The following MXRA8 variants were observed in gnomAD, a reference collection of about 807,000 sequenced individuals.
The protein encoded by MXRA8 is matrix remodeling-associated protein 8.
Under a neutral mutation model 51.4 loss-of-function variants are expected in MXRA8, and 44 were observed. The ratio of observed to expected loss-of-function variants is 0.86; its 90% CI spans 0.67 to 1.10. MXRA8 has a LOEUF of 1.10. MXRA8 is among the 50% of genes least tolerant of loss of function. MXRA8 has a pLI of 0.00. For missense variants in MXRA8, 765 were observed against 638.9 expected (o/e 1.20, Z -2.13); for synonymous variants, 369 against 293.5 (o/e 1.26, Z -2.63).
Position 1,354,764 on chromosome 1 carries a change from C to T in MXRA8, c.867G>A (p.Leu289=). Residue 289 remains leucine (L), a synonymous_variant, in exon 5 of 10, where the codon CTG becomes CTA. Coordinates refer to ENST00000309212, the MANE Select transcript of MXRA8 (RefSeq NM_032348.4). The stretch of plus-strand genomic sequence containing the variant: ...GCTCCGCGTGGGGTTCGGCGACCGT[C>T]AGGTGGAAGACGCGGCGTTCGTGCA... ...CGLHERRVFH[L]TVAEPHAEPP... 6.2e-7 allele frequency: 1 copy of T among 1,611,654 alleles called. No individual in the cohort carries two copies. Among genetic ancestry groups the T allele is most frequent in the Non-Finnish European group, 8.5e-7 (1 of 1,179,484 alleles).
chr1:1,356,606 C>CCGGGGG (rs1462657903), intron 2 of MXRA8, 75 bp downstream of exon 2: 2 of 995,786 alleles, frequency 2.0e-6, no homozygotes, highest in Non-Finnish European at 2.5e-6. Context: ...CTGAGGACCC[C>CCGGGGG]CGGGGGCTGG....
At chr1:1,361,529 G>T, upstream of MXRA8, 1 of 538,282 alleles carries the variant, frequency 1.9e-6, no homozygotes, top group Non-Finnish European at 3.4e-6. Context: ...TGAGGACGCG[G>T]CTTCCAGGCG....
upstream of MXRA8, among the ~76,000 whole-genome samples, chr1:1,363,522 C>T (rs1024047763): frequency 6.6e-6 from 1 of 151,842 alleles, no homozygotes; most frequent in Non-Finnish European, 1.5e-5. Context: ...GCAACCTCTG[C>T]CTTCCAGTTT....
rs1219240403 is a variant in MXRA8 at position 1,353,514 on chromosome 1, G to C, written c.*90C>G. 4.0e-6 allele frequency: 6 copies of C among 1,514,194 alleles called. No homozygotes were observed. In the East Asian group the frequency reaches 7.4e-5, roughly 19 times the overall value. The allele number at this position is 1,514,194 out of a possible 1,614,324, so 93.8% of individuals were successfully genotyped here. A position where few individuals can be genotyped will look rare whatever the true frequency, so the allele number is the denominator to read the frequency against. On this transcript the variant is annotated 3_prime_UTR_variant, in exon 10 of 10. Transcript: ENST00000309212. ...GGAAAGCGGGACCAGCCGCTGGAAG[G>C]GGGGTGAGCCCCGGAGCATCAGGAG...
chr1:1,354,828 C>T lies in MXRA8; in HGVS notation c.803G>A (p.Gly268Asp), dbSNP rs1251738333. 3 of 1,612,212 alleles carry T rather than the reference C, an allele frequency of 1.9e-6. No individual in the cohort carries two copies. The highest frequency in any genetic ancestry group is 1.1e-5 in the South Asian group (1 of 91,062). ...RIEPLEVADE[G>D]TYSCHLHHHY... ...GTGGTGCAGGTGGCAGGAGTAGGTG[C>T]CCTCGTCGGCGACCTCCAGCGGCTC... The change falls in exon 5 of 10, where the codon GGC (glycine) becomes GAC (aspartate). Residue 268 changes from glycine (G) to aspartate (D), a missense_variant. Physicochemically the swap from Gly to Asp is moderately conservative, Grantham distance 94. Transcript: ENST00000309212.
chr1:1,358,472 T>A lies in MXRA8; in HGVS notation c.33A>T (p.Lys11Asn). The A allele has an allele frequency of 6.2e-7, 1 of 1,611,590 alleles. No homozygotes were observed. The highest frequency in any genetic ancestry group is 8.5e-7 in the Non-Finnish European group (1 of 1,179,078). Residue 11 changes from lysine (K) to asparagine (N), a missense_variant, in exon 1 of 10, where the codon AAA (lysine) becomes AAT (asparagine). Transcript: ENST00000309212. MALPSRILLW[K>N]LVLLQSSAVL... ...CACACTCACTCTGCAGAAGCACAAG[T>A]TTCCAAAGCAGGATTCGGGATGGCA... is the stretch of plus-strand genomic sequence containing the variant.
rs1289958145 is a variant in MXRA8, at chr1:1,358,439, C to T, written c.49+17G>A. ...CACGTGCCACCCCCCACCCGCCTCC[C>T]AGGGCCCCACACTCACTCTGCAGAA... On this transcript the variant is annotated intron_variant, in intron 1 of 9. Transcript: ENST00000309212. 3.1e-6 allele frequency: 5 copies of T among 1,607,314 alleles called. No individual in the cohort carries two copies. Among genetic ancestry groups the T allele is most frequent in the South Asian group, 2.2e-5 (2 of 90,364 alleles).
At chr1:1,356,647 G>GTGGGGGTGGGCAGC (rs1644139161) in intron 2 of MXRA8, 34 bp downstream of exon 2, 1 of 1,322,018 alleles carries the variant, frequency 7.6e-7, no homozygotes, top group South Asian at 2.1e-5. Flanking sequence ...CTGAGGGGGA[G>GTGGGGGTGGGCAGC]TGGGGGTGGG....
chr1:1,354,328 C>T (rs768008061), intron 6 of MXRA8, 26 bp downstream of exon 6: 26 of 1,603,052 alleles, frequency 1.6e-5, no homozygotes, highest in South Asian at 6.7e-5. Flanking sequence ...CTCCTGGGGC[C>T]GCTGGCTTTG....
At chr1:1,361,264 C>T (rs777686406), upstream of MXRA8, 54 of 703,404 alleles carry the variant, frequency 7.7e-5, no homozygotes, top group Non-Finnish European at 1.1e-4. Context: ...AGCGGATCAT[C>T]GATGGCTGAA....
chr1:1,355,287 G>A lies in MXRA8; in HGVS notation c.435C>T (p.His145=), dbSNP rs151108412. Residue 145 remains histidine, a synonymous_variant, in exon 4 of 10, where the codon CAC becomes CAT. Transcript: ENST00000309212. Reference sequence around the variant, plus strand: ...GGCGGACGGCCAGGCTCTCGTAGAGGTGGCAGTAGTGATGGTGCAGGTTGC... The same window carrying A: ...GGCGGACGGCCAGGCTCTCGTAGAGATGGCAGTAGTGATGGTGCAGGTTGC... ...YTCNLHHHYC[H]LYESLAVRLE... 2.0e-5 allele frequency: 31 copies of A among 1,577,948 alleles called. No individual in the cohort carries two copies. Among genetic ancestry groups the A allele is most frequent in the Non-Finnish European group, 2.5e-5 (29 of 1,165,852 alleles).
rs781111562 is a variant in MXRA8 at position 1,358,511 on chromosome 1, C to T, written c.-7G>A. 1.6e-5 allele frequency: 25 copies of T among 1,612,748 alleles called. No homozygotes were observed. The highest frequency in any genetic ancestry group is 2.0e-5 in the Non-Finnish European group (23 of 1,179,458). ...TTCGGGATGGCAGCGCCATGGCCCCCGCCCAGCCCCAGGCTTTGTCCCACT... is the reference window on the plus strand; with the variant it reads ...TTCGGGATGGCAGCGCCATGGCCCCTGCCCAGCCCCAGGCTTTGTCCCACT... On this transcript the variant is annotated 5_prime_UTR_variant, in exon 1 of 10. Coordinates refer to ENST00000309212, the MANE Select transcript of MXRA8 (RefSeq NM_032348.4).
chr1:1,354,167 A>C lies in MXRA8; in HGVS notation c.1145+26T>G, dbSNP rs752226312. The C allele has an allele frequency of 8.7e-6, 14 of 1,612,600 alleles. No individual in the cohort carries two copies. The African/African-American group carries it at 1.6e-4, about 18-fold the overall frequency. ...TGGGGTGAAGGGGGCCCTGGTCCCC[A>C]GGAGGGCCGGGAGGGGGGCACTCAC... On this transcript the variant is annotated intron_variant, in intron 7 of 9. Transcript: ENST00000309212.
Position 1,354,228 on chromosome 1 carries a change from G to C in MXRA8, c.1110C>G (p.Tyr370Ter). Reference sequence around the variant, plus strand: ...TTCCCGACTTCTGGTCCGAGTATTCGTAGCCTGGGAAGGAGACTCACATTG... The same window carrying C: ...TTCCCGACTTCTGGTCCGAGTATTCCTAGCCTGGGAAGGAGACTCACATTG... Reference protein sequence around the residue: ...LLAARRRRGGYEYSDQKSGKS... With the variant: ...LLAARRRRGG Residue 370 changes from tyrosine to a stop codon, truncating the protein, a stop_gained, in exon 7 of 10, where the codon TAC becomes TAG. Coordinates refer to ENST00000309212, the MANE Select transcript of MXRA8 (RefSeq NM_032348.4). LOFTEE classifies it high-confidence loss of function. 2.5e-6 allele frequency: 4 copies of C among 1,612,376 alleles called. No individual in the cohort carries two copies. The highest frequency in any genetic ancestry group is 3.4e-6 in the Non-Finnish European group (4 of 1,179,890).
At chr1:1,361,609 A>G (rs1644223842), upstream of MXRA8, 1 of 420,388 alleles carries the variant, frequency 2.4e-6, no homozygotes, top group Non-Finnish European at 4.5e-6. Flanking sequence ...TAGGGGGGCC[A>G]CTGCTGACAC....
At chr1:1,354,641 T>A (rs1010270707) in intron 5 of MXRA8, 41 bp downstream of exon 5, 34 of 1,537,178 alleles carry the variant, frequency 2.2e-5, no homozygotes, top group Middle Eastern at 2.4e-4. Context: ...CCCGGTGGGG[T>A]GGGCTCCCGC....
upstream of MXRA8, among the ~76,000 whole-genome samples, chr1:1,360,893 CACAG>C (rs1432150950): frequency 6.6e-6 from 1 of 150,824 alleles, no homozygotes; most frequent in South Asian, 2.1e-4. Flanking sequence ...CATGGAGACA[CACAG>C]AGATACACAC....
intron 9 of MXRA8, 107 bp downstream of exon 9, chr1:1,353,741 G>A: frequency 6.8e-7 from 1 of 1,468,338 alleles, no homozygotes; most frequent in Non-Finnish European, 9.2e-7. Flanking sequence ...AGCCTGAGGT[G>A]GCAGGGGCCC....
In MXRA8 at chr1:1,354,111, A is replaced by G. The variant is rs771222316; in HGVS notation, c.1146-5T>C. On this transcript the variant is annotated splice_region_variant and splice_polypyrimidine_tract_variant and intron_variant, in intron 7 of 9. Coordinates refer to ENST00000309212, the MANE Select transcript of MXRA8 (RefSeq NM_032348.4). Reference sequence around the variant, plus strand: ...TCCGCCAAGTTAACATCCTTCCTGGATGGCGAGGGTGGGAGGAGGTTACAG... The same window carrying G: ...TCCGCCAAGTTAACATCCTTCCTGGGTGGCGAGGGTGGGAGGAGGTTACAG... The G allele has an allele frequency of 1.4e-5, 23 of 1,610,166 alleles. No individual in the cohort carries two copies. The highest frequency in any genetic ancestry group is 2.0e-5 in the Non-Finnish European group (23 of 1,178,576).
Sources: allele counts gnomAD v4.1 joint callset (sites outside exome capture counted in the v4.1 genomes callset), GRCh38; gene constraint gnomAD v4.1.1; transcripts MANE v1.5; gene names NCBI Gene and HGNC (gene_info 2026-07-23, HGNC 2026-07-21).